ILDR2: variants seen among roughly 807,000 people sequenced by gnomAD.
ILDR2 encodes the protein immunoglobulin like domain containing receptor 2.
A neutral mutation model predicts 66.8 loss-of-function variants in ILDR2; 25 were observed. The observed-to-expected ratio is 0.37, with a 90% confidence interval of 0.27 to 0.52. ILDR2 has a LOEUF of 0.52. Ranked by LOEUF, ILDR2 falls within the 20% of genes least tolerant of loss-of-function variation. ILDR2 has a pLI of 0.88. For synonymous variants in ILDR2, 367 were observed against 357.2 expected (o/e 1.03, Z -0.31); for missense variants, 827 against 876.8 (o/e 0.94, Z 0.72).
At chr1:166,944,136 A>T (rs145687679) in intron 3 of ILDR2, among the ~76,000 whole-genome samples, 241 of 152,368 alleles carry the variant, frequency 1.6e-3, no homozygotes, top group African/African-American at 5.7e-3. Context: ...ATCAGGGTAG[A>T]AATATGCATT....
chr1:166,919,572 A>G lies in ILDR2; in HGVS notation c.1885-182T>C, dbSNP rs149961051. On this transcript the variant is annotated intron_variant, in intron 9 of 9. Transcript: ENST00000271417. ...AGCCTCAGTAGAGGCTAAAGCCAGCATACATCTGATAGGCTTAGTTCCATG... is the reference window on the plus strand; with the variant it reads ...AGCCTCAGTAGAGGCTAAAGCCAGCGTACATCTGATAGGCTTAGTTCCATG... Among the ~76,000 whole-genome samples the G allele has an allele frequency of 2.4e-4, 36 of 152,336 alleles. 1 individual carries two copies. The highest frequency in any genetic ancestry group is 8.2e-4 in the African/African-American group (34 of 41,578).
In ILDR2 at chr1:166,921,223, GCGGCTCCCGCCC is replaced by G; in HGVS notation, c.1356_1367del (p.Gly453_Arg456del). On this transcript the variant is annotated inframe_deletion, in exon 9 of 10. Coordinates refer to ENST00000271417, the MANE Select transcript of ILDR2 (RefSeq NM_199351.3). This position sits in a 1 kb window ranked among gnomAD's most constrained non-coding sequence, Gnocchi z 5.3. Reference sequence around the variant, plus strand: ...GCGCCCGCGACTCCGAGCGCTCGAAGCGGCTCCCGCCCCGCGCCTCGTGACTGTTGCCGTCTG... The same window carrying G: ...GCGCCCGCGACTCCGAGCGCTCGAAGCGCGCCTCGTGACTGTTGCCGTCTG... 2 of 1,592,470 alleles carry G rather than the reference GCGGCTCCCGCCC, an allele frequency of 1.3e-6. No individual in the cohort carries two copies. Among genetic ancestry groups the G allele is most frequent in the Non-Finnish European group, 1.7e-6 (2 of 1,175,270 alleles).
chr1:166,935,301 C>T lies in ILDR2; in HGVS notation c.880G>A (p.Val294Ile), dbSNP rs1392546140. Reference sequence around the variant, plus strand: ...CAGGGCAGTCTGGAACTACATTTACCACTGTGGCTTCCTCCAGTGGAGTCA... The same window carrying T: ...CAGGGCAGTCTGGAACTACATTTACTACTGTGGCTTCCTCCAGTGGAGTCA... Reference protein sequence around the residue: ...PSDSTGGSHSVRKGYRIQADK... With the variant: ...PSDSTGGSHSIRKGYRIQADK... The change falls in exon 6 of 10, where the codon GTT becomes ATT. Residue 294 changes from valine to isoleucine, a missense_variant and splice_region_variant. Val to Ile is a conservative substitution (Grantham distance 29, BLOSUM62 3). Transcript: ENST00000271417. 6.2e-7 allele frequency: 1 copy of T among 1,614,000 alleles called. No individual in the cohort carries two copies. The highest frequency in any genetic ancestry group is 1.1e-5 in the South Asian group (1 of 91,074).
At position 166,910,373 on chromosome 1, in the gene ILDR2, T is replaced by C. The variant is rs569130227; in HGVS notation, c.*8982A>G. On this transcript the variant is annotated 3_prime_UTR_variant, in exon 10 of 10. Coordinates refer to ENST00000271417, the MANE Select transcript of ILDR2 (RefSeq NM_199351.3). ...CAAAGTGTAAGAAAAACATATCACT[T>C]TTAAAGAAAAAATTCCTAATGCACT... 2 of 152,300 alleles carry C rather than the reference T, an allele frequency of 1.3e-5. No homozygotes were observed. The highest frequency in any genetic ancestry group is 1.3e-4 in the Admixed American group (2 of 15,298). The allele number at this position is 152,300 out of a possible 1,614,324, so 9.4% of individuals were successfully genotyped here.
rs1659422018 is a variant in ILDR2 at position 166,909,736 on chromosome 1, C to CATATGG, written c.*9618_*9619insCCATAT. On this transcript the variant is annotated 3_prime_UTR_variant, in exon 10 of 10. Coordinates refer to ENST00000271417, the MANE Select transcript of ILDR2 (RefSeq NM_199351.3). ...ATATATATGTGTGTGTGTATACATA[C>CATATGG]ATATATATATATATATATATATAAA... 1 of 100,930 alleles carries CATATGG rather than the reference C, an allele frequency of 9.9e-6. No individual in the cohort carries two copies. Among genetic ancestry groups the CATATGG allele is most frequent in the South Asian group, 3.3e-4 (1 of 3,074 alleles). 6.3% of individuals were successfully genotyped at this position (100,930 alleles called of 1,614,324 possible). A position where few individuals can be genotyped will look rare whatever the true frequency, so the allele number is the denominator to read the frequency against.
chr1:166,907,321 TC>T (rs1441391428), downstream of ILDR2: 5 of 152,210 alleles, frequency 3.3e-5, no homozygotes, highest in African/African-American at 1.2e-4. Context: ...CCCTCAAGTG[TC>T]TGGAGAAGAG....
chr1:166,961,015 C>T (rs924200297), intron 1 of ILDR2, among the ~76,000 whole-genome samples: 3 of 152,222 alleles, frequency 2.0e-5, no homozygotes, highest in African/African-American at 7.2e-5. Flanking sequence ...CATTCCCATA[C>T]AAGGCTGTGT....
intron 1 of ILDR2, among the ~76,000 whole-genome samples, chr1:166,971,272 G>A (rs1467932278): frequency 6.6e-6 from 1 of 152,192 alleles, no homozygotes; most frequent in Non-Finnish European, 1.5e-5. Flanking sequence ...GGACATAGGA[G>A]TAAGTCACTC....
Position 166,916,189 on chromosome 1 carries a change from C to A in ILDR2, c.*3166G>T, listed in dbSNP as rs1659636730. The A allele has an allele frequency of 6.6e-6, 1 of 152,256 alleles. No individual in the cohort carries two copies. The highest frequency in any genetic ancestry group is 2.1e-4 in the South Asian group (1 of 4,832). The allele number at this position is 152,256 out of a possible 1,614,324, so 9.4% of individuals were successfully genotyped here. A position where few individuals can be genotyped will look rare whatever the true frequency, so the allele number is the denominator to read the frequency against. ...ATGCATCATCCCCCTGGGACCCCTG[C>A]TGCTCACCCTTTCCCGATCCTAATT... On this transcript the variant is annotated 3_prime_UTR_variant, in exon 10 of 10. Coordinates refer to ENST00000271417, the MANE Select transcript of ILDR2 (RefSeq NM_199351.3).
rs147517264 is a variant in ILDR2 at position 166,943,076 on chromosome 1, G to C, written c.500-3506C>G. ...CCTGTGTAGTGTTAGCCACAGGGTA[G>C]TGTAGGTGATATGTGCAGTAAAGTG... On this transcript the variant is annotated intron_variant, in intron 3 of 9. Coordinates refer to ENST00000271417, the MANE Select transcript of ILDR2 (RefSeq NM_199351.3). Among the ~76,000 whole-genome samples, 5 of 152,308 alleles carry C rather than the reference G, an allele frequency of 3.3e-5. No individual in the cohort carries two copies. In the East Asian group the frequency reaches 9.6e-4, roughly 29 times the overall value.
chr1:166,939,604 T>C, intron 3 of ILDR2, 34 bp from the exon 4 acceptor site: 2 of 1,602,318 alleles, frequency 1.2e-6, no homozygotes, highest in Non-Finnish European at 1.7e-6. Context: ...AGAAGGAAAG[T>C]GGTTATTCCA....
At chr1:166,935,199 A>G (rs1173450026) in intron 6 of ILDR2, 102 bp downstream of exon 6, 12 of 1,166,182 alleles carry the variant, frequency 1.0e-5, no homozygotes, top group Middle Eastern at 2.5e-4. Context: ...AGAGAAAACT[A>G]TTTTCCAAAG....
chr1:166,930,094 C>G (rs1186858933), intron 6 of ILDR2, among the ~76,000 whole-genome samples: 1 of 152,168 alleles, frequency 6.6e-6, no homozygotes, highest in Non-Finnish European at 1.5e-5. Context: ...TGTGCCCTGG[C>G]AGACAGACAT....
intron 1 of ILDR2, among the ~76,000 whole-genome samples, chr1:166,969,395 C>A (rs1164025431): frequency 6.6e-6 from 1 of 152,240 alleles, no homozygotes. Flanking sequence ...AAAACACTTT[C>A]TTTCATTTTC....
chr1:166,922,561 C>CA lies in ILDR2; in HGVS notation c.1211+31dup, dbSNP rs774335423. The CA allele has an allele frequency of 9.4e-6, 15 of 1,592,764 alleles. No homozygotes were observed. The East Asian group carries it at 2.9e-4, about 31-fold the overall frequency. Reference sequence around the variant, plus strand: ...CTGCCTTCCAGCTCCTGCCCCCTCACACCGACCAGACCTGCCCCTCACAGC... The same window carrying CA: ...CTGCCTTCCAGCTCCTGCCCCCTCACAACCGACCAGACCTGCCCCTCACAGC... On this transcript the variant is annotated intron_variant, in intron 8 of 9. Coordinates refer to ENST00000271417, the MANE Select transcript of ILDR2 (RefSeq NM_199351.3).
chr1:166,909,760 A>AATATATAT lies in ILDR2; in HGVS notation c.*9587_*9594dup, dbSNP rs1392240246. On this transcript the variant is annotated 3_prime_UTR_variant, in exon 10 of 10. Coordinates refer to ENST00000271417, the MANE Select transcript of ILDR2 (RefSeq NM_199351.3). ...ACATATATATATATATATATATATA[A>AATATATAT]ATATATATAAATATATATATTTATA... is the stretch of plus-strand genomic sequence containing the variant. 5 of 62,746 alleles carry AATATATAT rather than the reference A, an allele frequency of 8.0e-5. No individual in the cohort carries two copies. The highest frequency in any genetic ancestry group is 4.0e-4 in the African/African-American group (5 of 12,358). 3.9% of individuals were successfully genotyped at this position (62,746 alleles called of 1,614,324 possible).
intron 2 of ILDR2, among the ~76,000 whole-genome samples, chr1:166,903,099 C>G (rs189176992): frequency 6.6e-6 from 1 of 152,364 alleles, no homozygotes; most frequent in Non-Finnish European, 1.5e-5. Flanking sequence ...GTAATCTGTT[C>G]TCCATACAGA....
At chr1:166,943,364 C>T (rs1393852513) in intron 3 of ILDR2, among the ~76,000 whole-genome samples, 4 of 151,860 alleles carry the variant, frequency 2.6e-5, no homozygotes, top group African/African-American at 4.8e-5. Context: ...TGGTGGCGGG[C>T]GCCTGTAGTC....
chr1:166,925,719 C>T (rs1660238381), intron 7 of ILDR2, among the ~76,000 whole-genome samples: 1 of 152,180 alleles, frequency 6.6e-6, no homozygotes, highest in Admixed American at 6.5e-5. Flanking sequence ...TAACCTAGGC[C>T]ATCTCTAAGA....
Sources: allele counts gnomAD v4.1 joint callset (sites outside exome capture counted in the v4.1 genomes callset), GRCh38; gene constraint gnomAD v4.1.1; non-coding constraint Gnocchi (gnomAD v3.1); transcripts MANE v1.5; gene names NCBI Gene and HGNC (gene_info 2026-07-23, HGNC 2026-07-21).